The following GPA33 variants were observed in gnomAD, a reference collection of about 807,000 sequenced individuals.
GPA33 encodes glycoprotein A33.
In GPA33, 27 loss-of-function variants were observed where a neutral mutation model predicts 35.6. The ratio of observed to expected loss-of-function variants is 0.76; its 90% CI spans 0.56 to 1.04. The LOEUF is 1.04. Ranked by LOEUF, GPA33 falls within the 50% of genes least tolerant of loss-of-function variation. The probability of loss-of-function intolerance (pLI) is 0.00; values close to 1 mark genes in which losing one functional copy is unlikely to be tolerated. For missense variants in GPA33, 428 were observed against 411.9 expected (o/e 1.04, Z -0.34); for synonymous variants, 176 against 164.0 (o/e 1.07, Z -0.56).
In GPA33 at chr1:167,054,353, G is replaced by C. The variant is rs148351388; in HGVS notation, c.941C>G (p.Pro314Arg). The change falls in exon 7 of 7, where the codon CCG (proline) becomes CGG (arginine). Residue 314 changes from proline to arginine, a missense_variant. By Grantham distance (103) the Pro-to-Arg change is moderately radical (BLOSUM62 -2). Transcript: ENST00000367868. Reference protein sequence around the residue: ...EEQRSTGRESPDHLDQ With the variant: ...EEQRSTGRESRDHLDQ ...GGCCTGTCACTGGTCGAGGTGGTCCGGGGATTCACGCCCAGTGCTCCTCTG... is the reference window on the plus strand; with the variant it reads ...GGCCTGTCACTGGTCGAGGTGGTCCCGGGATTCACGCCCAGTGCTCCTCTG... 6.8e-6 allele frequency: 11 copies of C among 1,613,880 alleles called. No individual in the cohort carries two copies. Among genetic ancestry groups the C allele is most frequent in the Non-Finnish European group, 9.3e-6 (11 of 1,179,974 alleles).
chr1:167,056,418 G>T (rs1374005633), intron 4 of GPA33, among the ~76,000 whole-genome samples: 1 of 151,668 alleles, frequency 6.6e-6, no homozygotes, highest in Admixed American at 6.6e-5. Context: ...GGTGTGTGGG[G>T]TGTATGTGTG....
chr1:167,064,505 G>A (rs1389641662), intron 3 of GPA33, among the ~76,000 whole-genome samples: 2 of 152,106 alleles, frequency 1.3e-5, no homozygotes, highest in East Asian at 3.9e-4. Context: ...ACTTCCCCTC[G>A]ACCTCAGTGT....
intron 2 of GPA33, 65 bp from the exon 3 acceptor site, chr1:167,069,203 C>T: frequency 9.5e-7 from 1 of 1,049,424 alleles, no homozygotes; most frequent in East Asian, 2.5e-5. Context: ...TTCCAGCCTG[C>T]CCTGACTACC....
intron 2 of GPA33, among the ~76,000 whole-genome samples, chr1:167,072,070 C>A (rs908122044): frequency 1.3e-5 from 2 of 152,168 alleles, no homozygotes; most frequent in African/African-American, 4.8e-5. Context: ...ACTCTGGGAG[C>A]AGTCGGGACA....
At chr1:167,071,273 T>C (rs1261337921) in intron 2 of GPA33, among the ~76,000 whole-genome samples, 3 of 152,104 alleles carry the variant, frequency 2.0e-5, no homozygotes, top group Non-Finnish European at 4.4e-5. Flanking sequence ...TGGTGTGAAA[T>C]GCTAATGAGA....
Position 167,084,507 on chromosome 1 carries a change from G to A in GPA33, c.43+5738C>T, listed in dbSNP as rs530470931. Among the ~76,000 whole-genome samples, 13 of 152,318 alleles carry A rather than the reference G, an allele frequency of 8.5e-5. No homozygotes were observed. The East Asian group carries it at 2.3e-3, about 27-fold the overall frequency. On this transcript the variant is annotated intron_variant, in intron 1 of 6. Transcript: ENST00000367868. ...CTCCTTTGAGTTGGGTTCTGTGACTGCTTCTCAATAGACTATGGCAGAAGT... is the reference window on the plus strand; with the variant it reads ...CTCCTTTGAGTTGGGTTCTGTGACTACTTCTCAATAGACTATGGCAGAAGT...
chr1:167,054,538 T>G, intron 6 of GPA33, 72 bp from the exon 7 acceptor site: 2 of 1,594,116 alleles, frequency 1.3e-6, no homozygotes, highest in Non-Finnish European at 1.7e-6. Flanking sequence ...GGGCCTCATG[T>G]GCATTACAGG....
intron 1 of GPA33, among the ~76,000 whole-genome samples, chr1:167,089,617 A>G (rs1441262483): frequency 6.6e-6 from 1 of 152,156 alleles, no homozygotes; most frequent in Admixed American, 6.5e-5. Context: ...GGATTCAACC[A>G]TATACTCATG....
intron 1 of GPA33, among the ~76,000 whole-genome samples, chr1:167,075,670 A>G (rs547638814): frequency 1.1e-3 from 165 of 152,258 alleles, no homozygotes; most frequent in Non-Finnish European, 2.0e-3. Flanking sequence ...TGGAGACACA[A>G]CTTTGGGAGT....
chr1:167,067,221 C>A (rs993203459), intron 3 of GPA33, among the ~76,000 whole-genome samples: 1 of 151,992 alleles, frequency 6.6e-6, no homozygotes, highest in Non-Finnish European at 1.5e-5. Flanking sequence ...AGCAGCGGCT[C>A]GATCACGGCT....
At chr1:167,073,762 A>G (rs753454974) in intron 1 of GPA33, among the ~76,000 whole-genome samples, 27 of 152,166 alleles carry the variant, frequency 1.8e-4, no homozygotes, top group Non-Finnish European at 3.8e-4. Flanking sequence ...ACCCCACAGC[A>G]TGATGAATTG....
intron 4 of GPA33, 118 bp from the exon 5 acceptor site, chr1:167,055,967 C>G (rs1400343530): frequency 1.0e-6 from 1 of 1,002,408 alleles, no homozygotes; most frequent in African/African-American, 1.6e-5. Flanking sequence ...TTCTTCAGGC[C>G]GGAGCCCCAT....
At chr1:167,086,077 C>G (rs943019835) in intron 1 of GPA33, among the ~76,000 whole-genome samples, 1 of 152,242 alleles carries the variant, frequency 6.6e-6, no homozygotes, top group African/African-American at 2.4e-5. Context: ...TTCATAACAT[C>G]TTTTCTCCAT....
intron 1 of GPA33, among the ~76,000 whole-genome samples, chr1:167,081,897 T>G (rs894588324): frequency 2.0e-5 from 3 of 152,212 alleles, no homozygotes; most frequent in Non-Finnish European, 2.9e-5. Context: ...GCCTTGTTGA[T>G]TGAGTGGTAT....
chr1:167,065,568 G>A (rs555540686), intron 3 of GPA33, among the ~76,000 whole-genome samples: 3 of 152,268 alleles, frequency 2.0e-5, no homozygotes, highest in African/African-American at 7.2e-5. Context: ...TATAATCCAG[G>A]TGCACGGTCG....
chr1:167,065,515 C>A (rs1666571791), intron 3 of GPA33, among the ~76,000 whole-genome samples: 1 of 152,176 alleles, frequency 6.6e-6, no homozygotes, highest in Non-Finnish European at 1.5e-5. Context: ...TTTTCACATC[C>A]CCTTGGATGG....
intron 2 of GPA33, among the ~76,000 whole-genome samples, chr1:167,070,407 G>A (rs1666694137): frequency 6.6e-6 from 1 of 152,086 alleles, no homozygotes; most frequent in African/African-American, 2.4e-5. Flanking sequence ...CCCTAAAGTA[G>A]GTATATGATT....
Position 167,054,284 on chromosome 1 carries a change from G to A in GPA33, c.*50C>T, listed in dbSNP as rs367913743. 46 of 1,606,602 alleles carry A rather than the reference G, an allele frequency of 2.9e-5. No individual in the cohort carries two copies. Among genetic ancestry groups the A allele is most frequent in the African/African-American group, 5.4e-5 (4 of 74,760 alleles). On this transcript the variant is annotated 3_prime_UTR_variant, in exon 7 of 7. Transcript: ENST00000367868. ...GAAAGGAGAAGGGAGGCCAGGAAGC[G>A]GGAGAATGAACCCCTAACCCTTCCT...
Position 167,054,387 on chromosome 1 carries a change from G to A in GPA33, c.907C>T (p.Gln303Ter). Residue 303 changes from glutamine to a stop codon, truncating the protein, a stop_gained, in exon 7 of 7, where the codon CAA (glutamine) becomes TAA (stop). Coordinates refer to ENST00000367868, the MANE Select transcript of GPA33 (RefSeq NM_005814.3). LOFTEE classifies it low-confidence loss of function (END_TRUNC). ...REREEEDDYR[Q>*]EEQRSTGRES... is the part of the protein sequence containing the mutation. Reference sequence around the variant, plus strand: ...CGCCCAGTGCTCCTCTGCTCTTCTTGCCTGTAGTCATCCTCCTCCTCCCTC... The same window carrying A: ...CGCCCAGTGCTCCTCTGCTCTTCTTACCTGTAGTCATCCTCCTCCTCCCTC... 1 of 1,614,112 alleles carries A rather than the reference G, an allele frequency of 6.2e-7. No homozygotes were observed. The highest frequency in any genetic ancestry group is 1.6e-4 in the Middle Eastern group (1 of 6,062).
Sources: allele counts gnomAD v4.1 joint callset (sites outside exome capture counted in the v4.1 genomes callset), GRCh38; gene constraint gnomAD v4.1.1; transcripts MANE v1.5; gene names NCBI Gene and HGNC (gene_info 2026-07-23, HGNC 2026-07-21).